Variants in NRG3 observed in about 807,000 individuals in gnomAD.
NRG3 encodes neuregulin 3.
A neutral mutation model predicts 66.9 loss-of-function variants in NRG3; 31 were observed. The observed-to-expected ratio is 0.46, with a 90% CI of 0.35 to 0.63. The LOEUF is 0.63. NRG3 is among the 20% of genes least tolerant of loss of function. The probability of loss-of-function intolerance (pLI) is 0.00; values close to 1 mark genes in which losing one functional copy is unlikely to be tolerated. For missense variants in NRG3, 910 were observed against 878.9 expected (o/e 1.04, Z -0.45); for synonymous variants, 393 against 359.4 (o/e 1.09, Z -1.06).
chr10:82,367,717 G>A (rs910835852), intron 2 of NRG3, among the ~76,000 whole-genome samples: 22 of 152,146 alleles, frequency 1.4e-4, no homozygotes, highest in Admixed American at 9.2e-4. Flanking sequence ...ATTCTTGACC[G>A]AACGTGGTGG....
Position 82,499,808 on chromosome 10 carries a change from T to C in NRG3, c.953+140940T>C, listed in dbSNP as rs184715579. Among the ~76,000 whole-genome samples, 420 of 152,328 alleles carry C rather than the reference T, an allele frequency of 2.8e-3. 2 individuals are homozygous for C. Among genetic ancestry groups the C allele is most frequent in the African/African-American group, 9.8e-3 (406 of 41,582 alleles). On this transcript the variant is annotated intron_variant, in intron 2 of 8. Coordinates refer to ENST00000372141, the MANE Select transcript of NRG3 (RefSeq NM_001010848.4). ...TATATACAGGGCAAACTAGAGACTTTGAGGTGTGAAAAACCTTCAGGTAAA... is the reference window on the plus strand; with the variant it reads ...TATATACAGGGCAAACTAGAGACTTCGAGGTGTGAAAAACCTTCAGGTAAA...
chr10:82,348,026 C>G (rs369567159), intron 1 of NRG3, among the ~76,000 whole-genome samples: 98 of 151,378 alleles, frequency 6.5e-4, no homozygotes, highest in African/African-American at 1.6e-3. Context: ...TATCCAATTT[C>G]CCAGTCTGTG....
chr10:82,770,031 G>C (rs1396745271), intron 3 of NRG3, among the ~76,000 whole-genome samples: 1 of 151,726 alleles, frequency 6.6e-6, no homozygotes, highest in African/African-American at 2.4e-5. Context: ...ACTTAGTGTG[G>C]GATATAAGTG....
intron 1 of NRG3, among the ~76,000 whole-genome samples, chr10:81,936,254 C>A (rs912743126): frequency 1.3e-5 from 2 of 152,004 alleles, no homozygotes; most frequent in Non-Finnish European, 2.9e-5. Context: ...GAATTTCACT[C>A]GGAGTAACTT....
intron 4 of NRG3, among the ~76,000 whole-genome samples, chr10:82,900,310 A>G (rs1844092167): frequency 6.6e-6 from 1 of 152,208 alleles, no homozygotes; most frequent in Non-Finnish European, 1.5e-5. Flanking sequence ...TCTGGATTGC[A>G]TATCCTCATC....
chr10:82,398,526 T>TGTGTGTGAGAGA (rs373924370), intron 2 of NRG3, among the ~76,000 whole-genome samples: 7 of 136,518 alleles, frequency 5.1e-5, no homozygotes, highest in African/African-American at 2.0e-4. Context: ...TGTGTGTGTG[T>TGTGTGTGAGAGA]GAGAGAGAGA....
intron 4 of NRG3, among the ~76,000 whole-genome samples, chr10:82,936,400 T>C (rs897044424): frequency 6.6e-6 from 1 of 152,108 alleles, no homozygotes; most frequent in Non-Finnish European, 1.5e-5. Flanking sequence ...TAAAAAAAGC[T>C]GTTCTCATGG....
At chr10:82,135,743 G>A (rs905888288) in intron 1 of NRG3, among the ~76,000 whole-genome samples, 1 of 151,960 alleles carries the variant, frequency 6.6e-6, no homozygotes, top group South Asian at 2.1e-4. Flanking sequence ...TTTCTTCTTT[G>A]TATTTTCTTG....
chr10:82,700,779 T>A (rs995292847), intron 2 of NRG3, among the ~76,000 whole-genome samples: 4 of 152,166 alleles, frequency 2.6e-5, no homozygotes, highest in Non-Finnish European at 5.9e-5. Flanking sequence ...AGTTTTAAAC[T>A]ATCTAGGAAG....
chr10:82,656,448 C>T (rs1397264339), intron 2 of NRG3, among the ~76,000 whole-genome samples: 4 of 151,698 alleles, frequency 2.6e-5, no homozygotes, highest in Non-Finnish European at 5.9e-5. Flanking sequence ...TTTAGGTTTT[C>T]TTGAATGTCC....
At chr10:82,430,782 G>A (rs1447723126) in intron 2 of NRG3, among the ~76,000 whole-genome samples, 2 of 152,086 alleles carry the variant, frequency 1.3e-5, no homozygotes, top group African/African-American at 4.8e-5. Context: ...CTAATGGTTG[G>A]AATATTGATT....
At chr10:82,707,872 A>AAAT (rs2056412444) in intron 2 of NRG3, among the ~76,000 whole-genome samples, 1 of 140,364 alleles carries the variant, frequency 7.1e-6, no homozygotes. Flanking sequence ...AAAAAAAAAA[A>AAAT]TTAGCCAGGT....
At chr10:82,129,598 A>T (rs1204073926) in intron 1 of NRG3, among the ~76,000 whole-genome samples, 1 of 151,950 alleles carries the variant, frequency 6.6e-6, no homozygotes, top group East Asian at 1.9e-4. Context: ...TATTGTTGAG[A>T]TGGAGTCTCA....
At chr10:82,569,812 C>T (rs2045621914) in intron 2 of NRG3, among the ~76,000 whole-genome samples, 1 of 151,606 alleles carries the variant, frequency 6.6e-6, no homozygotes, top group Admixed American at 6.6e-5. Flanking sequence ...AAAGATCTCT[C>T]ATATGAGTGA....
chr10:81,911,463 A>G (rs751583274), intron 1 of NRG3, among the ~76,000 whole-genome samples: 1 of 152,014 alleles, frequency 6.6e-6, no homozygotes, highest in South Asian at 2.1e-4. Flanking sequence ...AGATTTTTGC[A>G]GCTGCAATGG....
intron 2 of NRG3, among the ~76,000 whole-genome samples, chr10:82,572,513 A>G (rs1395609268): frequency 6.6e-6 from 1 of 151,798 alleles, no homozygotes; most frequent in Non-Finnish European, 1.5e-5. Flanking sequence ...TCAGAAATAA[A>G]CAACTTAAAC....
intron 4 of NRG3, among the ~76,000 whole-genome samples, chr10:82,925,176 G>T (rs1475707): frequency 0.34 from 51,583 of 151,952 alleles, 9,151 homozygotes; most frequent in East Asian, 0.62. Context: ...TGACTCCAAG[G>T]AGGATGGCCT....
At chr10:81,967,987 T>C (rs2059795408) in intron 1 of NRG3, among the ~76,000 whole-genome samples, 1 of 152,208 alleles carries the variant, frequency 6.6e-6, no homozygotes, top group African/African-American at 2.4e-5. Context: ...CATATAAATA[T>C]ATTATGCCTG....
intron 4 of NRG3, among the ~76,000 whole-genome samples, chr10:82,904,487 A>G (rs1292833557): frequency 6.6e-6 from 1 of 152,172 alleles, no homozygotes; most frequent in Non-Finnish European, 1.5e-5. Flanking sequence ...GGTGGGGAAG[A>G]TATTTCAAGC....
Sources: allele counts gnomAD v4.1 joint callset (sites outside exome capture counted in the v4.1 genomes callset), GRCh38; gene constraint gnomAD v4.1.1; transcripts MANE v1.5; gene names NCBI Gene and HGNC (gene_info 2026-07-23, HGNC 2026-07-21).